Variants in PACS1 observed in about 807,000 individuals in gnomAD.
PACS1 encodes the protein phosphofurin acidic cluster sorting protein 1.
In PACS1, 24 loss-of-function variants were observed where a neutral mutation model predicts 115.0. The observed-to-expected ratio is 0.21, with a 90% CI of 0.15 to 0.29. The LOEUF (loss-of-function observed/expected upper bound fraction) is 0.29. Among genes scored for constraint, PACS1 ranks in the 10% least tolerant of loss-of-function variants. The pLI, the probability that PACS1 is intolerant of heterozygous loss-of-function variation, is 1.00. For synonymous variants in PACS1, 453 were observed against 504.5 expected, an observed-to-expected ratio of 0.90 and a Z score of 1.37; for missense variants, 838 against 1,251.2, an observed-to-expected ratio of 0.67 and a Z score of 4.98.
chr11:66,170,909 CAAAA>C (rs200066946), intron 1 of PACS1, among the ~76,000 whole-genome samples: 4 of 94,458 alleles, frequency 4.2e-5, no homozygotes, highest in Non-Finnish European at 2.2e-5. Flanking sequence ...AACCCTGTCT[CAAAA>C]AAAAAAAAAA....
intron 1 of PACS1, among the ~76,000 whole-genome samples, chr11:66,163,683 T>C (rs890260681): frequency 6.6e-6 from 1 of 152,178 alleles, no homozygotes; most frequent in African/African-American, 2.4e-5. Context: ...AGTAAGATAA[T>C]GGTATTTTCT....
chr11:66,177,253 C>T (rs1188630694), intron 1 of PACS1, among the ~76,000 whole-genome samples: 1 of 152,120 alleles, frequency 6.6e-6, no homozygotes, highest in Non-Finnish European at 1.5e-5. Flanking sequence ...GCCTCCTCTC[C>T]CCAAATTGAA....
chr11:66,232,378 A>G (rs1855615471), intron 14 of PACS1, 102 bp downstream of exon 14: 2 of 677,020 alleles, frequency 3.0e-6, no homozygotes, highest in Non-Finnish European at 5.2e-6. Flanking sequence ...GGAGGTGGGG[A>G]ACTCACCCCT....
intron 1 of PACS1, among the ~76,000 whole-genome samples, chr11:66,079,847 C>G (rs1167781071): frequency 6.6e-6 from 1 of 152,208 alleles, no homozygotes; most frequent in African/African-American, 2.4e-5. Context: ...TTTGACCTCA[C>G]CTTTGCGTTC....
chr11:66,223,296 G>T (rs1474335952), intron 10 of PACS1, among the ~76,000 whole-genome samples: 1 of 151,926 alleles, frequency 6.6e-6, no homozygotes, highest in African/African-American at 2.4e-5. Flanking sequence ...GTTTCTCCAT[G>T]TTGGCCAGGC....
chr11:66,099,482 C>T (rs1215471774), intron 1 of PACS1, among the ~76,000 whole-genome samples: 1 of 152,114 alleles, frequency 6.6e-6, no homozygotes, highest in Non-Finnish European at 1.5e-5. Flanking sequence ...CCTCGGCCTC[C>T]CAAAGTGCTG....
At chr11:66,205,049 A>G (rs1362224811) in intron 2 of PACS1, among the ~76,000 whole-genome samples, 3 of 152,092 alleles carry the variant, frequency 2.0e-5, no homozygotes, top group East Asian at 1.9e-4. Context: ...CAATGGCGCA[A>G]TCTCAGCTCA....
chr11:66,230,135 TAAAA>T (rs11357711), intron 11 of PACS1, among the ~76,000 whole-genome samples: 4 of 96,898 alleles, frequency 4.1e-5, no homozygotes, highest in Non-Finnish European at 6.2e-5. Flanking sequence ...GGAATGGGGC[TAAAA>T]AAAAAAAAAA....
rs1040146715 is a variant in PACS1 at position 66,236,346 on chromosome 11, C to G, written c.2250+406C>G. On this transcript the variant is annotated intron_variant, in intron 19 of 23. Transcript: ENST00000320580. The surrounding 1 kb of genome is among the most constrained non-coding windows in gnomAD (Gnocchi z 4.2). ...TTACACCAGGCCCTGACCTCGCTGC[C>G]TTCACCCGGGGAGTGATGTCCAGAC... Among the ~76,000 whole-genome samples, 9 of 152,340 alleles carry G rather than the reference C, an allele frequency of 5.9e-5. No individual in the cohort carries two copies. In the East Asian group the frequency reaches 9.6e-4, roughly 16 times the overall value.
At chr11:66,201,255 C>A (rs1173591123) in intron 2 of PACS1, among the ~76,000 whole-genome samples, 2 of 151,898 alleles carry the variant, frequency 1.3e-5, no homozygotes, top group African/African-American at 4.8e-5. Flanking sequence ...CAGGCATCTT[C>A]CCTGACCATA....
At chr11:66,189,838 A>AT (rs1854476621) in intron 1 of PACS1, among the ~76,000 whole-genome samples, 1 of 152,222 alleles carries the variant, frequency 6.6e-6, no homozygotes, top group Non-Finnish European at 1.5e-5. Context: ...GATCATACAC[A>AT]TTGAGTTATC....
At chr11:66,139,108 A>G (rs959281741) in intron 1 of PACS1, among the ~76,000 whole-genome samples, 1 of 152,164 alleles carries the variant, frequency 6.6e-6, no homozygotes, top group African/African-American at 2.4e-5. Flanking sequence ...AGTGCTTGCA[A>G]CCTGAAAACA....
rs182550126 is a variant in PACS1, at chr11:66,086,080, T to A, written c.356+15238T>A. 3.2e-3 allele frequency among the ~76,000 whole-genome samples: 488 copies of A among 152,126 alleles called. 1 individual carries two copies. The highest frequency in any genetic ancestry group is 4.9e-3 in the Non-Finnish European group (334 of 67,982). The stretch of plus-strand genomic sequence containing the variant: ...ATCTTTCCCTTATTTACATAGTGGT[T>A]ACATTCCTGGAAAATTTAGTGTATA... On this transcript the variant is annotated intron_variant, in intron 1 of 23. Coordinates refer to ENST00000320580, the MANE Select transcript of PACS1 (RefSeq NM_018026.4).
At chr11:66,181,897 G>A (rs1438561157) in intron 1 of PACS1, among the ~76,000 whole-genome samples, 1 of 152,186 alleles carries the variant, frequency 6.6e-6, no homozygotes, top group Non-Finnish European at 1.5e-5. Context: ...TGCTGATGAC[G>A]TGTAAGGTTC....
Position 66,231,688 on chromosome 11 carries a change from T to C in PACS1, c.1627-484T>C, listed in dbSNP as rs117752848. The C allele has an allele frequency of 1.3e-3, 216 of 170,748 alleles. 5 individuals carry two copies. The East Asian group carries it at 0.032, about 25-fold the overall frequency. The allele number at this position is 170,748 out of a possible 1,614,324, so 10.6% of individuals were successfully genotyped here. A position where few individuals can be genotyped will look rare whatever the true frequency, so the allele number is the denominator to read the frequency against. On this transcript the variant is annotated intron_variant, in intron 13 of 23. Transcript: ENST00000320580. The stretch of plus-strand genomic sequence containing the variant: ...AGTGCCTGGGGTGAGGTATTGTCCT[T>C]CTTGTTAATCACTGTTCCTGAAATA...
chr11:66,073,925 T>G (rs1193227513), intron 1 of PACS1, among the ~76,000 whole-genome samples: 1 of 148,880 alleles, frequency 6.7e-6, no homozygotes, highest in African/African-American at 2.5e-5. Context: ...GCTTTTTTTT[T>G]TTTTTTTTTT....
At chr11:66,221,030 C>A in intron 9 of PACS1, 124 bp from the exon 10 acceptor site, 1 of 978,468 alleles carries the variant, frequency 1.0e-6, no homozygotes, top group Non-Finnish European at 1.6e-6. Flanking sequence ...CACTTCCCTG[C>A]TCACCGGGCG....
rs1590734812 is a variant in PACS1, at chr11:66,087,565, A to G, written c.356+16723A>G. ...ACTTGTATCTAACTTCTGCTGCTCA[A>G]CATTATGTTTATGTGATGCATCCAC... is the stretch of plus-strand genomic sequence containing the variant. On this transcript the variant is annotated intron_variant, in intron 1 of 23. Transcript: ENST00000320580. Among the ~76,000 whole-genome samples the G allele has an allele frequency of 2.0e-5, 3 of 152,302 alleles. 1 individual carries two copies. The highest frequency in any genetic ancestry group is 3.4e-3 in the Middle Eastern group (1 of 294).
chr11:66,230,548 G>C lies in PACS1; in HGVS notation c.1375G>C (p.Glu459Gln). The change falls in exon 12 of 24, where the codon GAA becomes CAA. Residue 459 changes from glutamate to glutamine, a missense_variant and splice_region_variant. Coordinates refer to ENST00000320580, the MANE Select transcript of PACS1 (RefSeq NM_018026.4). ...CACTGTTTCCTCTCCTCCATGGTAG[G>C]AAATCACTGACCAGGACATGTTTGG... ...DDSLTETDTL[E>Q]ITDQDMFGDA... The C allele has an allele frequency of 6.2e-7, 1 of 1,612,002 alleles. No homozygotes were observed. Among genetic ancestry groups the C allele is most frequent in the Non-Finnish European group, 8.5e-7 (1 of 1,178,048 alleles).
Sources: allele counts gnomAD v4.1 joint callset (sites outside exome capture counted in the v4.1 genomes callset), GRCh38; gene constraint gnomAD v4.1.1; non-coding constraint Gnocchi (gnomAD v3.1); transcripts MANE v1.5; gene names NCBI Gene and HGNC (gene_info 2026-07-23, HGNC 2026-07-21).